P2RY8: variants seen among roughly 807,000 people sequenced by gnomAD.
The protein encoded by P2RY8 is S-geranylgeranyl-glutathione receptor P2RY8.
P2RY8 carries 6 observed loss-of-function variants against 10.0 expected under a neutral mutation model. The observed-to-expected ratio is 0.60, with a 90% CI of 0.33 to 1.19. P2RY8 has a LOEUF of 1.19. P2RY8 is among the 50% of genes most tolerant of loss of function. The pLI is 0.04. For synonymous variants in P2RY8, 276 were observed against 252.5 expected, an observed-to-expected ratio of 1.09 and a Z score of -0.88; for missense variants, 456 against 542.0, an observed-to-expected ratio of 0.84 and a Z score of 1.58.
intron 1 of P2RY8, among the ~76,000 whole-genome samples, chrX:1,512,294 C>A (rs1464776164): frequency 1.3e-5 from 2 of 152,074 alleles, no homozygotes; most frequent in African/African-American, 4.8e-5. Context: ...AGCCTGTAAT[C>A]CCAGCGCACT....
chrX:1,475,654 G>A (rs1290013864), intron 1 of P2RY8, among the ~76,000 whole-genome samples: 1 of 151,848 alleles, frequency 6.6e-6, no homozygotes, highest in African/African-American at 2.4e-5. Flanking sequence ...TTAAAAGAAA[G>A]ATAAAGCATG....
chrX:1,488,891 A>G (rs2092013266), intron 1 of P2RY8, among the ~76,000 whole-genome samples: 1 of 152,120 alleles, frequency 6.6e-6, no homozygotes, highest in Admixed American at 6.6e-5. Context: ...GCAAATGTGG[A>G]GGGAATGAAT....
chrX:1,524,681 C>CCACTCATCCATT (rs2092424560), intron 1 of P2RY8, among the ~76,000 whole-genome samples: 1 of 117,998 alleles, frequency 8.5e-6, no homozygotes. Context: ...ATCCATCCAT[C>CCACTCATCCATT]CATCCATCCA....
At chrX:1,503,491 T>G (rs1418713368) in intron 1 of P2RY8, among the ~76,000 whole-genome samples, 1 of 152,228 alleles carries the variant, frequency 6.6e-6, no homozygotes, top group African/African-American at 2.4e-5. Flanking sequence ...CTGGGCGTAG[T>G]GGTTCACACC....
chrX:1,518,830 T>C (rs1438892542), intron 1 of P2RY8, among the ~76,000 whole-genome samples: 1 of 152,148 alleles, frequency 6.6e-6, no homozygotes, highest in East Asian at 1.9e-4. Context: ...AAATCCTGCC[T>C]AACTCCCAAA....
At chrX:1,500,743 C>T (rs1227488791) in intron 1 of P2RY8, among the ~76,000 whole-genome samples, 3 of 152,122 alleles carry the variant, frequency 2.0e-5, no homozygotes, top group Admixed American at 1.3e-4. Flanking sequence ...GCCCTGCGCC[C>T]GGCCACGTTA....
intron 1 of P2RY8, among the ~76,000 whole-genome samples, chrX:1,488,311 T>G (rs1215789330): frequency 6.6e-6 from 1 of 152,194 alleles, no homozygotes; most frequent in Admixed American, 6.5e-5. Flanking sequence ...TGACTACTAC[T>G]CAAAGGCTGG....
rs1404366666 is a variant in P2RY8 at position 1,462,966 on chromosome X, C to T, written c.*2513G>A. Reference sequence around the variant, plus strand: ...TCCATAGCCAAGTGGCTGCAAAAATCATCATACTGACAAAAAAAAAAAATC... The same window carrying T: ...TCCATAGCCAAGTGGCTGCAAAAATTATCATACTGACAAAAAAAAAAAATC... On this transcript the variant is annotated 3_prime_UTR_variant, in exon 2 of 2. Transcript: ENST00000381297. 3 of 188,988 alleles carry T rather than the reference C, an allele frequency of 1.6e-5. No individual in the cohort carries two copies. Among genetic ancestry groups the T allele is most frequent in the African/African-American group, 7.7e-5 (3 of 39,032 alleles). 11.7% of individuals were successfully genotyped at this position (188,988 alleles called of 1,614,324 possible). A position where few individuals can be genotyped will look rare whatever the true frequency, so the allele number is the denominator to read the frequency against.
At chrX:1,536,362 T>C (rs1447725662) in intron 1 of P2RY8, among the ~76,000 whole-genome samples, 2 of 151,758 alleles carry the variant, frequency 1.3e-5, no homozygotes, top group East Asian at 1.9e-4. Context: ...CCAGGGATCA[T>C]GCCATTCTCC....
intron 1 of P2RY8, among the ~76,000 whole-genome samples, chrX:1,472,287 A>G (rs1381513874): frequency 6.6e-6 from 1 of 151,588 alleles, no homozygotes; most frequent in Non-Finnish European, 1.5e-5. Flanking sequence ...AGAGAAATTT[A>G]GGCACAGACA....
intron 1 of P2RY8, among the ~76,000 whole-genome samples, chrX:1,496,140 G>A (rs1406973322): frequency 4.6e-5 from 7 of 152,210 alleles, no homozygotes; most frequent in Non-Finnish European, 8.8e-5. Flanking sequence ...TTGGGAGAAG[G>A]CAGACGTCAG....
In P2RY8 at chrX:1,475,176, T is replaced by C. The variant is rs761836363; in HGVS notation, c.-24-8594A>G. Among the ~76,000 whole-genome samples the C allele has an allele frequency of 3.5e-3, 519 of 147,954 alleles. 2 individuals carry two copies. The highest frequency in any genetic ancestry group is 0.013 in the African/African-American group (504 of 39,736). On this transcript the variant is annotated intron_variant, in intron 1 of 1. Transcript: ENST00000381297. ...CTGGATTTATGGGTGGATGAATGGATGGGTTGATGGGTAGATGGATGGGCA... is the reference window on the plus strand; with the variant it reads ...CTGGATTTATGGGTGGATGAATGGACGGGTTGATGGGTAGATGGATGGGCA...
intron 1 of P2RY8, among the ~76,000 whole-genome samples, chrX:1,524,242 T>C (rs1428851605): frequency 6.6e-6 from 1 of 152,024 alleles, no homozygotes; most frequent in Non-Finnish European, 1.5e-5. Context: ...AGTAGGCTTG[T>C]CACACTTGCC....
At chrX:1,478,163 T>C (rs1217306714) in intron 1 of P2RY8, among the ~76,000 whole-genome samples, 1 of 152,018 alleles carries the variant, frequency 6.6e-6, no homozygotes, top group African/African-American at 2.4e-5. Context: ...GAACCTTCCA[T>C]TGGTATCTCC....
intron 1 of P2RY8, among the ~76,000 whole-genome samples, chrX:1,476,773 G>T (rs754664265): frequency 6.6e-6 from 1 of 152,230 alleles, no homozygotes; most frequent in South Asian, 2.1e-4. Flanking sequence ...CTGGGATCTG[G>T]TGGGTGGAGC....
intron 1 of P2RY8, among the ~76,000 whole-genome samples, chrX:1,513,026 C>A (rs777945777): frequency 6.6e-6 from 1 of 150,668 alleles, no homozygotes; most frequent in Non-Finnish European, 1.5e-5. Flanking sequence ...CCCTTGCCCC[C>A]CCACCCCCCA....
Position 1,465,782 on chromosome X carries a change from C to T in P2RY8, c.777G>A (p.Ala259=), listed in dbSNP as rs775651106. Residue 259 remains alanine (A), a synonymous_variant, in exon 2 of 2, where the codon GCG becomes GCA. Transcript: ENST00000381297. ...CGTAGAACAGGCGGCTCACGATGTG[C>T]GCCAGGAGCACGAAGTTGTTGGGGG... ...CFAPNNFVLL[A]HIVSRLFYGK... is the part of the protein sequence containing the mutation. The T allele has an allele frequency of 6.2e-7, 1 of 1,613,500 alleles. No individual in the cohort carries two copies. Among genetic ancestry groups the T allele is most frequent in the Admixed American group, 1.7e-5 (1 of 60,022 alleles).
chrX:1,465,348 T>G lies in P2RY8; in HGVS notation c.*131A>C. On this transcript the variant is annotated 3_prime_UTR_variant, in exon 2 of 2. Transcript: ENST00000381297. ...GGGAGGAATAAAGCCTGGAGACCCT[T>G]CCCCACCGGGCCTCTGCAGTGCCTG... is the stretch of plus-strand genomic sequence containing the variant. 7.0e-7 allele frequency: 1 copy of G among 1,430,808 alleles called. No individual in the cohort carries two copies. Among genetic ancestry groups the G allele is most frequent in the Non-Finnish European group, 9.3e-7 (1 of 1,076,334 alleles). 88.6% of individuals were successfully genotyped at this position (1,430,808 alleles called of 1,614,324 possible).
intron 1 of P2RY8, among the ~76,000 whole-genome samples, chrX:1,512,002 T>A (rs1308144618): frequency 6.6e-6 from 1 of 152,160 alleles, no homozygotes; most frequent in South Asian, 2.1e-4. Context: ...TCTGCCTTTT[T>A]TTCCTAGCTC....
Sources: allele counts gnomAD v4.1 joint callset (sites outside exome capture counted in the v4.1 genomes callset), GRCh38; gene constraint gnomAD v4.1.1; transcripts MANE v1.5; gene names NCBI Gene and HGNC (gene_info 2026-07-23, HGNC 2026-07-21).